ZNF385D: variants seen among roughly 807,000 people sequenced by gnomAD.
The protein encoded by ZNF385D is zinc finger protein 385D, also known as zinc finger protein 659.
Under a neutral mutation model 35.8 loss-of-function variants are expected in ZNF385D, and 15 were observed. The ratio of observed to expected loss-of-function variants is 0.42; its 90% CI spans 0.28 to 0.64. The LOEUF (loss-of-function observed/expected upper bound fraction) is 0.64. Among genes scored for constraint, ZNF385D ranks in the 30% least tolerant of loss-of-function variants. The pLI, the probability that ZNF385D is intolerant of heterozygous loss-of-function variation, is 0.23. For synonymous variants in ZNF385D, 212 were observed against 186.8 expected (o/e 1.13, Z -1.10); for missense variants, 474 against 494.6 (o/e 0.96, Z 0.39).
At chr3:22,128,039 T>A (rs1348655727) in intron 3 of ZNF385D, among the ~76,000 whole-genome samples, 1 of 152,194 alleles carries the variant, frequency 6.6e-6, no homozygotes, top group Non-Finnish European at 1.5e-5. Flanking sequence ...ATTGAAAAAC[T>A]CTCTTTAGCC....
chr3:22,196,512 G>A (rs1157937902), intron 2 of ZNF385D, among the ~76,000 whole-genome samples: 5 of 151,260 alleles, frequency 3.3e-5, no homozygotes, highest in African/African-American at 9.7e-5. Context: ...GAACTATTTT[G>A]TTTTTATTGC....
In ZNF385D at chr3:22,256,459, T is replaced by A. The variant is rs1031637837; in HGVS notation, c.107-87424A>T. Among the ~76,000 whole-genome samples the A allele has an allele frequency of 3.3e-5, 5 of 151,826 alleles. No individual in the cohort carries two copies. In the Admixed American group the frequency reaches 3.3e-4, roughly 10 times the overall value. On this transcript the variant is annotated intron_variant, in intron 2 of 5. Transcript: ENST00000494108. Reference sequence around the variant, plus strand: ...AAATTGAATTGATCATTTTTTTTAGTTCCTGCCTACAGAGTCATCTTTCAG... The same window carrying A: ...AAATTGAATTGATCATTTTTTTTAGATCCTGCCTACAGAGTCATCTTTCAG...
chr3:21,873,250 A>G lies in ZNF385D; in HGVS notation c.326-208222T>C, dbSNP rs191464161. Among the ~76,000 whole-genome samples, 269 of 151,210 alleles carry G rather than the reference A, an allele frequency of 1.8e-3. 1 individual carries two copies. The highest frequency in any genetic ancestry group is 6.1e-3 in the African/African-American group (253 of 41,552). On this transcript the variant is annotated intron_variant, in intron 3 of 5. Transcript: ENST00000494108. ...GCATACAATGTACTATTAAGTGGTT[A>G]ACATACAGAATCATATGTTATAACA...
intron 2 of ZNF385D, among the ~76,000 whole-genome samples, chr3:22,363,198 C>G (rs1559542360): frequency 6.6e-6 from 1 of 152,144 alleles, no homozygotes; most frequent in Non-Finnish European, 1.5e-5. Context: ...CTTAGAGGTA[C>G]TCTTTCTTTC....
intron 3 of ZNF385D, among the ~76,000 whole-genome samples, chr3:21,868,194 T>C (rs1370596890): frequency 5.3e-5 from 8 of 152,142 alleles, no homozygotes; most frequent in African/African-American, 1.4e-4. Context: ...ATGCAGTCTC[T>C]GTTGCAATTT....
At chr3:22,223,578 T>A (rs1698386815) in intron 2 of ZNF385D, among the ~76,000 whole-genome samples, 1 of 152,128 alleles carries the variant, frequency 6.6e-6, no homozygotes, top group Non-Finnish European at 1.5e-5. Flanking sequence ...GGGTTCCTAT[T>A]AGCAGAACAT....
chr3:22,085,631 G>C (rs1212397444), intron 3 of ZNF385D, among the ~76,000 whole-genome samples: 1 of 152,102 alleles, frequency 6.6e-6, no homozygotes, highest in Middle Eastern at 3.2e-3. Context: ...ATTCACAGCC[G>C]AATTCTACCA....
At chr3:21,774,487 A>G (rs1200975057) in intron 3 of ZNF385D, among the ~76,000 whole-genome samples, 1 of 151,952 alleles carries the variant, frequency 6.6e-6, no homozygotes, top group African/African-American at 2.4e-5. Flanking sequence ...ACATCTTTAA[A>G]AATGGAGGCC....
intron 3 of ZNF385D, among the ~76,000 whole-genome samples, chr3:21,858,157 CAAAAA>C (rs34471727): frequency 8.4e-6 from 1 of 119,626 alleles, no homozygotes; most frequent in Non-Finnish European, 1.8e-5. Flanking sequence ...AAGAGTCTAT[CAAAAA>C]AAAAAAAAAA....
At chr3:21,751,371 G>C, upstream of ZNF385D, 1 of 1,038,776 alleles carries the variant, frequency 9.6e-7, no homozygotes, top group African/African-American at 1.7e-5. Context: ...GGCGCGGGAG[G>C]CTCTCTTAAA....
intron 2 of ZNF385D, among the ~76,000 whole-genome samples, chr3:22,265,321 C>G (rs1379450390): frequency 6.6e-6 from 1 of 151,926 alleles, no homozygotes; most frequent in Non-Finnish European, 1.5e-5. Flanking sequence ...CCAGTTTCTA[C>G]TGCTGTAATC....
rs1035918159 is a variant in ZNF385D at position 22,336,893 on chromosome 3, GCAAA to G, written c.106+35553_106+35556del. The stretch of plus-strand genomic sequence containing the variant: ...TGAATGACATCCTTGAAACCACTAT[GCAAA>G]CAGTGATTTTTCAAAAAAAAAAAAA... On this transcript the variant is annotated intron_variant, in intron 2 of 5. Coordinates refer to the ZNF385D transcript ENST00000494108. 3.5e-4 allele frequency among the ~76,000 whole-genome samples: 20 copies of G among 57,842 alleles called. 1 individual carries two copies. Among genetic ancestry groups the G allele is most frequent in the African/African-American group, 1.3e-3 (20 of 15,860 alleles). 37.9% of individuals were successfully genotyped at this position (57,842 alleles called of 152,430 possible). A position where few individuals can be genotyped will look rare whatever the true frequency, so the allele number is the denominator to read the frequency against.
intron 2 of ZNF385D, among the ~76,000 whole-genome samples, chr3:22,288,173 G>C (rs552405703): frequency 1.3e-5 from 2 of 152,078 alleles, no homozygotes; most frequent in Admixed American, 6.6e-5. Flanking sequence ...TTCTCTTGCT[G>C]TTTTCAAAAT....
chr3:21,881,382 C>T (rs574200631), intron 3 of ZNF385D, among the ~76,000 whole-genome samples: 23 of 152,076 alleles, frequency 1.5e-4, no homozygotes, highest in South Asian at 6.2e-4. Context: ...GCTAAATCTA[C>T]TCCACCTGTG....
chr3:21,838,167 C>A (rs747719515), intron 3 of ZNF385D, among the ~76,000 whole-genome samples: 25 of 151,994 alleles, frequency 1.6e-4, no homozygotes, highest in Non-Finnish European at 3.5e-4. Context: ...GGTATTGTTA[C>A]AAAATTGGTT....
At chr3:22,356,011 C>A (rs1156271343) in intron 2 of ZNF385D, among the ~76,000 whole-genome samples, 1 of 151,982 alleles carries the variant, frequency 6.6e-6, no homozygotes, top group African/African-American at 2.4e-5. Flanking sequence ...TTTCCAATTA[C>A]TTTCCAAAGA....
At chr3:21,859,493 C>T (rs1286629712) in intron 3 of ZNF385D, among the ~76,000 whole-genome samples, 1 of 151,874 alleles carries the variant, frequency 6.6e-6, no homozygotes, top group African/African-American at 2.4e-5. Flanking sequence ...CATTCTGCCT[C>T]CACTCTCTTT....
intron 2 of ZNF385D, among the ~76,000 whole-genome samples, chr3:21,573,398 C>G (rs565457030): frequency 2.2e-4 from 34 of 152,218 alleles, no homozygotes; most frequent in South Asian, 4.1e-4. Context: ...AAAAAGAAAT[C>G]TTGACATTAG....
intron 2 of ZNF385D, among the ~76,000 whole-genome samples, chr3:22,345,352 C>A (rs1424208159): frequency 6.6e-6 from 1 of 152,166 alleles, no homozygotes; most frequent in Non-Finnish European, 1.5e-5. Flanking sequence ...AATGAACCTA[C>A]ATTTTCAATG....
Sources: gnomAD v4.1 joint callset for allele counts (sites outside exome capture counted in the v4.1 genomes callset) on GRCh38, gnomAD v4.1.1 for gene constraint, MANE v1.5 for transcripts, NCBI Gene and HGNC (gene_info 2026-07-23, HGNC 2026-07-21) for gene names.